The following DIS3L2 variants were observed in gnomAD, a reference collection of about 807,000 sequenced individuals.
The protein encoded by DIS3L2 is DIS3-like exonuclease 2.
DIS3L2 carries 34 observed loss-of-function variants against 97.5 expected under a neutral mutation model. The observed-to-expected ratio is 0.35, with a 90% CI of 0.27 to 0.46. DIS3L2 has a LOEUF of 0.46. Ranked by LOEUF, DIS3L2 falls within the 20% of genes least tolerant of loss-of-function variation. DIS3L2 has a pLI of 1.00. For synonymous variants in DIS3L2, 435 were observed against 445.2 expected (o/e 0.98, Z 0.29); for missense variants, 1,038 against 1,146.0 (o/e 0.91, Z 1.36).
chr2:232,167,018 A>T (rs908901582), intron 9 of DIS3L2, among the ~76,000 whole-genome samples: 2 of 152,170 alleles, frequency 1.3e-5, no homozygotes, highest in Non-Finnish European at 2.9e-5. Flanking sequence ...GTCAAAAAAA[A>T]AAAAAAATTA....
Position 232,220,249 on chromosome 2 carries a change from C to T in DIS3L2, c.1204+9844C>T, listed in dbSNP as rs188804195. On this transcript the variant is annotated intron_variant, in intron 10 of 20. Transcript: ENST00000325385. ...ACTTGAGCCTGGGGGTTCAAGCCTG[C>T]AGTGAGCCAAGATGGCGCCACTGCA... 3.4e-3 allele frequency among the ~76,000 whole-genome samples: 521 copies of T among 152,100 alleles called. 5 individuals are homozygous for T. The highest frequency in any genetic ancestry group is 0.012 in the African/African-American group (506 of 41,478).
intron 5 of DIS3L2, among the ~76,000 whole-genome samples, chr2:232,054,341 T>A (rs1453554649): frequency 3.3e-5 from 5 of 152,230 alleles, no homozygotes; most frequent in Non-Finnish European, 7.3e-5. Flanking sequence ...CCAAAATGGA[T>A]CCATAGAGGC....
chr2:232,229,004 G>A (rs953549394), intron 10 of DIS3L2, among the ~76,000 whole-genome samples: 2 of 152,132 alleles, frequency 1.3e-5, no homozygotes, highest in African/African-American at 4.8e-5. Flanking sequence ...AACAATCCCT[G>A]TATCTGCTGC....
intron 1 of DIS3L2, among the ~76,000 whole-genome samples, chr2:231,976,917 G>A (rs552632668): frequency 1.3e-5 from 2 of 151,658 alleles, no homozygotes; most frequent in East Asian, 2.0e-4. Flanking sequence ...GCAGGTGCCC[G>A]CCACCACGCC....
chr2:232,187,248 A>G (rs1479141899), intron 9 of DIS3L2, among the ~76,000 whole-genome samples: 1 of 152,326 alleles, frequency 6.6e-6, no homozygotes, highest in East Asian at 1.9e-4. Context: ...TTAAAAAAAT[A>G]CAGATAACAA....
At chr2:232,168,128 T>TA (rs1248664716) in intron 9 of DIS3L2, among the ~76,000 whole-genome samples, 8 of 152,208 alleles carry the variant, frequency 5.3e-5, no homozygotes, top group African/African-American at 1.9e-4. Context: ...TTTATACACT[T>TA]ACATCATTTT....
chr2:232,205,244 C>T (rs1163650574), intron 9 of DIS3L2, among the ~76,000 whole-genome samples: 2 of 140,736 alleles, frequency 1.4e-5, no homozygotes, highest in Admixed American at 1.4e-4. Flanking sequence ...ATATAAAATG[C>T]AGTGAATTTT....
chr2:232,220,537 T>C (rs1002854246), intron 10 of DIS3L2, among the ~76,000 whole-genome samples: 5 of 151,832 alleles, frequency 3.3e-5, no homozygotes, highest in African/African-American at 1.2e-4. Context: ...TGAAACCCCA[T>C]GTCTACTAAA....
intron 6 of DIS3L2, among the ~76,000 whole-genome samples, chr2:232,105,910 G>T (rs1417345610): frequency 6.6e-6 from 1 of 152,148 alleles, no homozygotes; most frequent in Admixed American, 6.5e-5. Context: ...CCAATATGGT[G>T]TTCCTGACTC....
At chr2:232,265,264 T>C (rs185470357) in intron 13 of DIS3L2, among the ~76,000 whole-genome samples, 11 of 152,356 alleles carry the variant, frequency 7.2e-5, no homozygotes, top group African/African-American at 2.4e-4. Flanking sequence ...AAGCCTCTTC[T>C]GTCCACCACT....
intron 14 of DIS3L2, among the ~76,000 whole-genome samples, chr2:232,308,088 C>T (rs16828782): frequency 0.15 from 23,098 of 152,238 alleles, 2,878 homozygotes; most frequent in African/African-American, 0.34. Flanking sequence ...CAGCTTCTGA[C>T]TTGTCATCAG....
At chr2:232,158,296 T>TC (rs1296868080) in intron 8 of DIS3L2, among the ~76,000 whole-genome samples, 1 of 135,306 alleles carries the variant, frequency 7.4e-6, no homozygotes, top group Non-Finnish European at 1.6e-5. Flanking sequence ...TTCTGCATCC[T>TC]CCTTTATATC....
intron 1 of DIS3L2, among the ~76,000 whole-genome samples, chr2:232,004,320 G>A (rs185985774): frequency 6.6e-6 from 1 of 152,052 alleles, no homozygotes; most frequent in Non-Finnish European, 1.5e-5. Flanking sequence ...TCATCGACCC[G>A]CCTTGACCCC....
chr2:232,310,854 T>C (rs1695107914), intron 14 of DIS3L2, among the ~76,000 whole-genome samples: 1 of 152,226 alleles, frequency 6.6e-6, no homozygotes, highest in East Asian at 1.9e-4. Flanking sequence ...CACAGCTGCC[T>C]CCTGTATTGC....
intron 4 of DIS3L2, 95 bp downstream of exon 4, chr2:232,024,425 G>A (rs1402168796): frequency 3.9e-6 from 4 of 1,018,902 alleles, no homozygotes; most frequent in Admixed American, 2.6e-5. Context: ...AAAAAGCAGA[G>A]TAGTGAAACA....
intron 1 of DIS3L2, among the ~76,000 whole-genome samples, chr2:231,982,649 CATTTGG>C (rs1381229826): frequency 6.6e-6 from 1 of 150,738 alleles, no homozygotes; most frequent in Non-Finnish European, 1.5e-5. Context: ...ATAATTTCTA[CATTTGG>C]ATTTGTTTCT....
intron 9 of DIS3L2, among the ~76,000 whole-genome samples, chr2:232,205,211 C>CATATATATATATATATATATAT (rs57163508): frequency 3.6e-5 from 5 of 140,560 alleles, no homozygotes; most frequent in African/African-American, 1.3e-4. Flanking sequence ...AGGCAGTTTA[C>CATATATATATATATATATATAT]ATATATATAT....
intron 12 of DIS3L2, 140 bp from the exon 13 acceptor site, chr2:232,263,067 C>A: frequency 3.4e-6 from 3 of 876,196 alleles, no homozygotes; most frequent in Non-Finnish European, 5.4e-6. Flanking sequence ...GGGTGCCTAG[C>A]CTGAACCTGC....
At chr2:232,080,506 T>C (rs139711700) in intron 5 of DIS3L2, among the ~76,000 whole-genome samples, 94 of 152,314 alleles carry the variant, frequency 6.2e-4, no homozygotes, top group Non-Finnish European at 8.7e-4. Context: ...TAGAGATTTT[T>C]GAAAAACAGT....
Sources: gnomAD v4.1 joint callset for allele counts (sites outside exome capture counted in the v4.1 genomes callset) on GRCh38, gnomAD v4.1.1 for gene constraint, MANE v1.5 for transcripts, NCBI Gene and HGNC (gene_info 2026-07-23, HGNC 2026-07-21) for gene names.